Variants in HEMK1 observed in about 807,000 individuals in gnomAD.
HEMK1 encodes HemK methyltransferase 1, mitochondrial release factors N(5)-glutamine.
A neutral mutation model predicts 47.9 loss-of-function variants in HEMK1; 36 were observed. The observed-to-expected ratio is 0.75, with a 90% CI of 0.58 to 0.99. HEMK1 has a LOEUF of 0.99. HEMK1 is among the 50% of genes least tolerant of loss of function. The probability of loss-of-function intolerance (pLI) is 0.00; values close to 1 mark genes in which losing one functional copy is unlikely to be tolerated. For synonymous variants in HEMK1, 153 were observed against 165.4 expected, an observed-to-expected ratio of 0.93 and a Z score of 0.57; for missense variants, 383 against 434.5, an observed-to-expected ratio of 0.88 and a Z score of 1.05.
rs1403032154 is a variant in HEMK1, at chr3:50,589,561, T to G, written c.*9144T>G. 1.3e-5 allele frequency: 2 copies of G among 152,160 alleles called. No homozygotes were observed. Among genetic ancestry groups the G allele is most frequent in the Non-Finnish European group, 2.9e-5 (2 of 68,036 alleles). The allele number at this position is 152,160 out of a possible 1,614,324, so 9.4% of individuals were successfully genotyped here. On this transcript the variant is annotated 3_prime_UTR_variant, in exon 11 of 11. Coordinates refer to ENST00000232854, the MANE Select transcript of HEMK1 (RefSeq NM_016173.5). Reference sequence around the variant, plus strand: ...CAGCAGTGAGCTATAATAGCGCCACTGCACTCCAGCCTGGACATCAGAGTC... The same window carrying G: ...CAGCAGTGAGCTATAATAGCGCCACGGCACTCCAGCCTGGACATCAGAGTC...
In HEMK1 at chr3:50,580,575, C is replaced by T; in HGVS notation, c.*158C>T. ...GATATTTCTAGGACACCTGGATTGG[C>T]TCCATCACATCAGAGTGGCTGAGGG... On this transcript the variant is annotated 3_prime_UTR_variant, in exon 11 of 11. Coordinates refer to ENST00000232854, the MANE Select transcript of HEMK1 (RefSeq NM_016173.5). 4.0e-6 allele frequency: 3 copies of T among 752,152 alleles called. No homozygotes were observed. Among genetic ancestry groups the T allele is most frequent in the Non-Finnish European group, 6.5e-6 (3 of 462,782 alleles). 46.6% of individuals were successfully genotyped at this position (752,152 alleles called of 1,614,324 possible).
chr3:50,574,726 C>T (rs1489658826), intron 4 of HEMK1, among the ~76,000 whole-genome samples: 1 of 152,190 alleles, frequency 6.6e-6, no homozygotes, highest in Admixed American at 6.5e-5. Flanking sequence ...CTAAGCTTGC[C>T]ACAAGTACCT....
In HEMK1 at chr3:50,593,511, C is replaced by T. The variant is rs2031825938; in HGVS notation, c.*13094C>T. On this transcript the variant is annotated 3_prime_UTR_variant, in exon 11 of 11. Transcript: ENST00000232854. ...CCCTCATGGAAGGTTCACTTTCCTG[C>T]TTATCTAGTCTCAGATGTTACAGTT... 1 of 152,206 alleles carries T rather than the reference C, an allele frequency of 6.6e-6. No homozygotes were observed. The highest frequency in any genetic ancestry group is 2.1e-4 in the South Asian group (1 of 4,830). The allele number at this position is 152,206 out of a possible 1,614,324, so 9.4% of individuals were successfully genotyped here.
chr3:50,592,459 A>G lies in HEMK1; in HGVS notation c.*12042A>G, dbSNP rs2031774260. 6.6e-6 allele frequency: 1 copy of G among 152,234 alleles called. No homozygotes were observed. The highest frequency in any genetic ancestry group is 1.5e-5 in the Non-Finnish European group (1 of 68,042). The allele number at this position is 152,234 out of a possible 1,614,324, so 9.4% of individuals were successfully genotyped here. A position where few individuals can be genotyped will look rare whatever the true frequency, so the allele number is the denominator to read the frequency against. ...ACCCTCCCTCCCTGATTCCTTGAAT[A>G]AAATTCAGCCTTCCAAATTTTACTC... On this transcript the variant is annotated 3_prime_UTR_variant, in exon 11 of 11. Coordinates refer to ENST00000232854, the MANE Select transcript of HEMK1 (RefSeq NM_016173.5).
chr3:50,592,080 G>C lies in HEMK1; in HGVS notation c.*11663G>C, dbSNP rs1373060692. ...TGCACCACTGCACTCCAGCCTGGAC[G>C]ACAGAGTGAGACTCCGCATCAGAAA... On this transcript the variant is annotated 3_prime_UTR_variant, in exon 11 of 11. Coordinates refer to ENST00000232854, the MANE Select transcript of HEMK1 (RefSeq NM_016173.5). 6.7e-6 allele frequency: 1 copy of C among 149,726 alleles called. No individual in the cohort carries two copies. The highest frequency in any genetic ancestry group is 1.5e-5 in the Non-Finnish European group (1 of 67,686). 9.3% of individuals were successfully genotyped at this position (149,726 alleles called of 1,614,324 possible). A position where few individuals can be genotyped will look rare whatever the true frequency, so the allele number is the denominator to read the frequency against.
intron 4 of HEMK1, 91 bp from the exon 5 acceptor site, chr3:50,576,961 C>T (rs940092474): frequency 2.7e-5 from 40 of 1,494,322 alleles, no homozygotes; most frequent in South Asian, 1.2e-4. Context: ...CCCCTTCCTA[C>T]GTTCACAAGG....
At position 50,587,159 on chromosome 3, in the gene HEMK1, G is replaced by A. The variant is rs926733561; in HGVS notation, c.*6742G>A. On this transcript the variant is annotated 3_prime_UTR_variant, in exon 11 of 11. Coordinates refer to ENST00000232854, the MANE Select transcript of HEMK1 (RefSeq NM_016173.5). This position sits in a 1 kb window ranked among gnomAD's most constrained non-coding sequence, Gnocchi z 4.2. The stretch of plus-strand genomic sequence containing the variant: ...GAGACGCTGAGGCCAGCATAACTAG[G>A]TCCTGGGCTGTCCCCTGCAGAGCTT... 1 of 152,172 alleles carries A rather than the reference G, an allele frequency of 6.6e-6. No individual in the cohort carries two copies. Among genetic ancestry groups the A allele is most frequent in the Non-Finnish European group, 1.5e-5 (1 of 68,062 alleles). The allele number at this position is 152,172 out of a possible 1,614,324, so 9.4% of individuals were successfully genotyped here. A position where few individuals can be genotyped will look rare whatever the true frequency, so the allele number is the denominator to read the frequency against.
chr3:50,580,061 G>C (rs1216456585), intron 9 of HEMK1, 55 bp from the exon 10 acceptor site: 1 of 1,559,398 alleles, frequency 6.4e-7, no homozygotes, highest in Non-Finnish European at 8.8e-7. Context: ...AAGCAGCCCA[G>C]AAGGGCAGGC....
rs2031249171 is a variant in HEMK1, at chr3:50,585,185, G to C, written c.*4768G>C. ...GACTGGGTCCAGAGAGGACCTCAGA[G>C]ACTGGGACCAAGCCTGTTCCTGCTC... On this transcript the variant is annotated 3_prime_UTR_variant, in exon 11 of 11. Transcript: ENST00000232854. The C allele has an allele frequency of 1.3e-5, 2 of 152,314 alleles. No homozygotes were observed. The highest frequency in any genetic ancestry group is 2.9e-5 in the Non-Finnish European group (2 of 68,120). 9.4% of individuals were successfully genotyped at this position (152,314 alleles called of 1,614,324 possible).
At chr3:50,570,798 A>G in intron 1 of HEMK1, 133 bp from the exon 2 acceptor site, 1 of 276,832 alleles carries the variant, frequency 3.6e-6, no homozygotes, top group East Asian at 6.7e-5. Flanking sequence ...GAATGATCAA[A>G]TAGGTGGGTA....
At chr3:50,576,832 C>T (rs967067256) in intron 4 of HEMK1, among the ~76,000 whole-genome samples, 2 of 152,230 alleles carry the variant, frequency 1.3e-5, no homozygotes, top group East Asian at 1.9e-4. Flanking sequence ...CACATCCCCA[C>T]GAGGTGGGCT....
In HEMK1 at chr3:50,571,629, G is replaced by A. The variant is rs1347867010; in HGVS notation, c.229-81G>A. 6.2e-6 allele frequency: 8 copies of A among 1,287,036 alleles called. No homozygotes were observed. In the East Asian group the frequency reaches 1.4e-4, roughly 22 times the overall value. The allele number at this position is 1,287,036 out of a possible 1,614,324, so 79.7% of individuals were successfully genotyped here. ...GGTTGGGCCTCCAGACCAGTGCTGG[G>A]CAGGCATTATCCACATAAGACACCT... On this transcript the variant is annotated intron_variant, in intron 2 of 10. Transcript: ENST00000232854.
At chr3:50,576,523 C>G (rs1701608407) in intron 4 of HEMK1, among the ~76,000 whole-genome samples, 2 of 152,230 alleles carry the variant, frequency 1.3e-5, no homozygotes, top group African/African-American at 4.8e-5. Context: ...CTCACCTCAG[C>G]CTTCTGAGTA....
rs1174601146 is a variant in HEMK1, at chr3:50,582,373, G to T, written c.*1956G>T. 1 of 152,316 alleles carries T rather than the reference G, an allele frequency of 6.6e-6. No homozygotes were observed. The highest frequency in any genetic ancestry group is 2.4e-5 in the African/African-American group (1 of 41,576). 9.4% of individuals were successfully genotyped at this position (152,316 alleles called of 1,614,324 possible). The stretch of plus-strand genomic sequence containing the variant: ...CCAAGCCAAGAGGACTGGCAGGCGG[G>T]GCCTCAAGCCTGCAGCCACTGGCTT... On this transcript the variant is annotated 3_prime_UTR_variant, in exon 11 of 11. Transcript: ENST00000232854.
chr3:50,577,512 C>T lies in HEMK1; in HGVS notation c.553C>T (p.Arg185Ter), dbSNP rs752363872. ...CCTCTGTTTGTTCTTGGGACAGAGCCGAGTCATTGCTGTGGATAAGCGGGA... is the reference window on the plus strand; with the variant it reads ...CCTCTGTTTGTTCTTGGGACAGAGCTGAGTCATTGCTGTGGATAAGCGGGA... ...LSLLSQLPQS[R>*]VIAVDKREAA... Residue 185 changes from arginine (R) to a stop codon, truncating the protein, a stop_gained, in exon 6 of 11, where the codon CGA (arginine) becomes TGA (stop). Coordinates refer to ENST00000232854, the MANE Select transcript of HEMK1 (RefSeq NM_016173.5). LOFTEE classifies it high-confidence loss of function. 4.3e-6 allele frequency: 7 copies of T among 1,613,862 alleles called. No homozygotes were observed. The African/African-American group carries it at 5.3e-5, about 12-fold the overall frequency.
rs755699800 is a variant in HEMK1 at position 50,577,513 on chromosome 3, G to A, written c.554G>A (p.Arg185Gln). The stretch of plus-strand genomic sequence containing the variant: ...CTCTGTTTGTTCTTGGGACAGAGCC[G>A]AGTCATTGCTGTGGATAAGCGGGAA... ...LSLLSQLPQS[R>Q]VIAVDKREAA... Residue 185 changes from arginine to glutamine, a missense_variant, in exon 6 of 11, where the codon CGA (arginine) becomes CAA (glutamine). Arg to Gln is a conservative substitution (Grantham distance 43). Transcript: ENST00000232854. 2.1e-5 allele frequency: 34 copies of A among 1,613,934 alleles called. No homozygotes were observed. The highest frequency in any genetic ancestry group is 1.6e-4 in the Middle Eastern group (1 of 6,084).
In HEMK1 at chr3:50,590,647, T is replaced by C. The variant is rs950573135; in HGVS notation, c.*10230T>C. The C allele has an allele frequency of 2.0e-5, 3 of 151,404 alleles. No homozygotes were observed. Among genetic ancestry groups the C allele is most frequent in the Non-Finnish European group, 2.9e-5 (2 of 67,936 alleles). The allele number at this position is 151,404 out of a possible 1,614,324, so 9.4% of individuals were successfully genotyped here. A position where few individuals can be genotyped will look rare whatever the true frequency, so the allele number is the denominator to read the frequency against. The stretch of plus-strand genomic sequence containing the variant: ...TTGATGCCCCACGTGACCATTCCCT[T>C]CCCGGAGGTCTGCCCCAACTGCTCC... On this transcript the variant is annotated 3_prime_UTR_variant, in exon 11 of 11. Transcript: ENST00000232854.
chr3:50,579,936 C>G lies in HEMK1; in HGVS notation c.863C>G (p.Ser288Cys). 6.2e-7 allele frequency: 1 copy of G among 1,612,916 alleles called. No individual in the cohort carries two copies. Among genetic ancestry groups the G allele is most frequent in the Non-Finnish European group, 8.5e-7 (1 of 1,179,032 alleles). ...LALAPRLLKD[S>C]GSIFLEVDPR... is the part of the protein sequence containing the mutation. ...TTGGCACCCCGGCTCCTGAAAGACT[C>G]TGGGTATGAATGGGATGGGTCTCCT... Residue 288 changes from serine (S) to cysteine (C), a missense_variant, in exon 9 of 11, where the codon TCT (serine) becomes TGT (cysteine). Physicochemically the swap from Ser to Cys is moderately radical, Grantham distance 112. Coordinates refer to ENST00000232854, the MANE Select transcript of HEMK1 (RefSeq NM_016173.5).
At position 50,587,781 on chromosome 3, in the gene HEMK1, G is replaced by A. The variant is rs2031484790; in HGVS notation, c.*7364G>A. 6.6e-6 allele frequency: 1 copy of A among 152,412 alleles called. No individual in the cohort carries two copies. Among genetic ancestry groups the A allele is most frequent in the East Asian group, 1.9e-4 (1 of 5,202 alleles). The allele number at this position is 152,412 out of a possible 1,614,324, so 9.4% of individuals were successfully genotyped here. On this transcript the variant is annotated 3_prime_UTR_variant, in exon 11 of 11. Transcript: ENST00000232854. The surrounding 1 kb of genome is among the most constrained non-coding windows in gnomAD (Gnocchi z 4.2). ...TTTTGAGCTGAGTTACAGGGTTAGA[G>A]AAGCATTGAGGCTGCTCTTTCTGGC...
Sources: allele counts gnomAD v4.1 joint callset (sites outside exome capture counted in the v4.1 genomes callset), GRCh38; gene constraint gnomAD v4.1.1; non-coding constraint Gnocchi (gnomAD v3.1); transcripts MANE v1.5; gene names NCBI Gene and HGNC (gene_info 2026-07-23, HGNC 2026-07-21).